ACSL1: variants seen among roughly 807,000 people sequenced by gnomAD.
ACSL1 encodes the protein long-chain-fatty-acid--CoA ligase 1.
Under a neutral mutation model 98.4 loss-of-function variants are expected in ACSL1, and 41 were observed. The observed-to-expected ratio is 0.42, with a 90% confidence interval of 0.32 to 0.54. The LOEUF is 0.54. ACSL1 is among the 20% of genes least tolerant of loss of function. The pLI is 0.13. For missense variants in ACSL1, 734 were observed against 883.1 expected (o/e 0.83, Z 2.14); for synonymous variants, 316 against 322.7 (o/e 0.98, Z 0.22).
In ACSL1 at chr4:184,760,511, G is replaced by C. The variant is rs1762712250; in HGVS notation, c.1639-11C>G. 1.2e-6 allele frequency: 2 copies of C among 1,613,958 alleles called. No individual in the cohort carries two copies. The highest frequency in any genetic ancestry group is 1.7e-5 in the Admixed American group (1 of 60,020). On this transcript the variant is annotated splice_polypyrimidine_tract_variant and intron_variant, in intron 17 of 20. Coordinates refer to ENST00000281455, the MANE Select transcript of ACSL1 (RefSeq NM_001995.5). ...TTTCAAGGTGCCATTCTGTTGATCA[G>C]AGGGGAGGGGGTTATGAATGGGCTG...
chr4:184,770,790 G>A (rs1264315850), intron 10 of ACSL1, among the ~76,000 whole-genome samples: 3 of 152,028 alleles, frequency 2.0e-5, no homozygotes, highest in Non-Finnish European at 4.4e-5. Context: ...GAGGAGAAAC[G>A]GCTTTTGCTT....
At chr4:184,826,126 C>A (rs1773478923), upstream of ACSL1, 2 of 147,132 alleles carry the variant, frequency 1.4e-5, no homozygotes, top group Admixed American at 6.8e-5. Flanking sequence ...GCCCGCAGGC[C>A]CCGCCCCCGG....
intron 1 of ACSL1, among the ~76,000 whole-genome samples, chr4:184,818,780 G>A (rs1433696896): frequency 6.6e-6 from 1 of 152,094 alleles, no homozygotes; most frequent in Non-Finnish European, 1.5e-5. Flanking sequence ...ACAGAGGCTG[G>A]GATGCTCATC....
chr4:184,821,331 C>T (rs1321879397), intron 1 of ACSL1: 3 of 292,562 alleles, frequency 1.0e-5, no homozygotes, highest in East Asian at 1.9e-4. Context: ...CTTATATGGA[C>T]ATTTCTCCCA....
chr4:184,818,779 G>A (rs1390470995), intron 1 of ACSL1, among the ~76,000 whole-genome samples: 1 of 152,116 alleles, frequency 6.6e-6, no homozygotes, highest in East Asian at 1.9e-4. Flanking sequence ...GACAGAGGCT[G>A]GGATGCTCAT....
intron 5 of ACSL1, among the ~76,000 whole-genome samples, chr4:184,779,065 T>C (rs1487554690): frequency 6.6e-6 from 1 of 152,214 alleles, no homozygotes; most frequent in Non-Finnish European, 1.5e-5. Flanking sequence ...CAGCTAGATC[T>C]ACTAATCTAT....
chr4:184,759,563 G>A (rs1378479257), intron 18 of ACSL1, among the ~76,000 whole-genome samples: 3 of 152,102 alleles, frequency 2.0e-5, no homozygotes, highest in African/African-American at 4.8e-5. Flanking sequence ...CATTTATGCA[G>A]CCAAAAGACA....
chr4:184,813,712 G>C, intron 1 of ACSL1: 1 of 389,024 alleles, frequency 2.6e-6, no homozygotes, highest in African/African-American at 2.1e-5. Context: ...TCACCTTACT[G>C]GACTCAGCTA....
In ACSL1 at chr4:184,764,838, C is replaced by A; in HGVS notation, c.1432+15G>T. On this transcript the variant is annotated intron_variant, in intron 15 of 20. Transcript: ENST00000281455. Reference sequence around the variant, plus strand: ...GAATAACAAAATTCCAAAAAGGAGCCTCCTACAGCCATACCTGCGGTCCAG... The same window carrying A: ...GAATAACAAAATTCCAAAAAGGAGCATCCTACAGCCATACCTGCGGTCCAG... 1 of 1,606,264 alleles carries A rather than the reference C, an allele frequency of 6.2e-7. No individual in the cohort carries two copies. The highest frequency in any genetic ancestry group is 8.5e-7 in the Non-Finnish European group (1 of 1,177,546).
intron 7 of ACSL1, among the ~76,000 whole-genome samples, chr4:184,774,690 G>C (rs1291122217): frequency 6.6e-6 from 1 of 152,132 alleles, no homozygotes; most frequent in African/African-American, 2.4e-5. Context: ...CTTGAATGAG[G>C]ATATGGAATG....
At position 184,822,860 on chromosome 4, in the gene ACSL1, A is replaced by G. The variant is rs569321894; in HGVS notation, c.-33+3056T>C. On this transcript the variant is annotated intron_variant, in intron 1 of 20. Transcript: ENST00000281455. ...ACAACCCAAGGCTTGCCACAAACTGAAATTTCTTATGCATTGACATTCAGC... is the reference window on the plus strand; with the variant it reads ...ACAACCCAAGGCTTGCCACAAACTGGAATTTCTTATGCATTGACATTCAGC... 6.7e-4 allele frequency among the ~76,000 whole-genome samples: 102 copies of G among 152,324 alleles called. 2 individuals are homozygous for G. In the South Asian group the frequency reaches 0.02, roughly 30 times the overall value.
chr4:184,801,868 C>A lies in ACSL1; in HGVS notation c.195+1452G>T, dbSNP rs544544948. Among the ~76,000 whole-genome samples, 6 of 152,352 alleles carry A rather than the reference C, an allele frequency of 3.9e-5. No individual in the cohort carries two copies. The South Asian group carries it at 6.2e-4, about 16-fold the overall frequency. On this transcript the variant is annotated intron_variant, in intron 2 of 20. Transcript: ENST00000281455. ...GCTAAGCTAAAGCTTTAAAACCACACGTAAGTGCCCCCACAATTTCTCATA... is the reference window on the plus strand; with the variant it reads ...GCTAAGCTAAAGCTTTAAAACCACAAGTAAGTGCCCCCACAATTTCTCATA...
At chr4:184,801,196 T>C (rs1770452962) in intron 2 of ACSL1, among the ~76,000 whole-genome samples, 1 of 152,156 alleles carries the variant, frequency 6.6e-6, no homozygotes, top group Non-Finnish European at 1.5e-5. Context: ...GAAGGTATAA[T>C]TTACAAAGAA....
chr4:184,759,235 C>G (rs981152953), intron 18 of ACSL1, among the ~76,000 whole-genome samples: 1 of 152,140 alleles, frequency 6.6e-6, no homozygotes, highest in Non-Finnish European at 1.5e-5. Context: ...TTAATAGCAG[C>G]ATGATTTATA....
intron 2 of ACSL1, among the ~76,000 whole-genome samples, chr4:184,796,653 A>G (rs1020712114): frequency 1.3e-5 from 2 of 152,236 alleles, no homozygotes; most frequent in East Asian, 3.9e-4. Flanking sequence ...AAAACATCCC[A>G]GATTTCCATA....
At chr4:184,763,925 C>A (rs1443303266) in intron 15 of ACSL1, among the ~76,000 whole-genome samples, 1 of 152,086 alleles carries the variant, frequency 6.6e-6, no homozygotes, top group East Asian at 1.9e-4. Flanking sequence ...GATCAGTATT[C>A]CAAATTCTCT....
chr4:184,814,719 C>T (rs1361829164), intron 1 of ACSL1, among the ~76,000 whole-genome samples: 2 of 152,142 alleles, frequency 1.3e-5, no homozygotes, highest in African/African-American at 4.8e-5. Context: ...GTATTTCCCA[C>T]CTGCTCCACG....
At chr4:184,811,331 C>A (rs904174937) in intron 1 of ACSL1, among the ~76,000 whole-genome samples, 1 of 151,928 alleles carries the variant, frequency 6.6e-6, no homozygotes, top group African/African-American at 2.4e-5. Flanking sequence ...CCAGGATGGT[C>A]TCGATCTCCC....
Position 184,773,221 on chromosome 4 carries a change from C to T in ACSL1, c.842-67G>A. The T allele has an allele frequency of 6.9e-7, 1 of 1,448,320 alleles. No individual in the cohort carries two copies. The highest frequency in any genetic ancestry group is 9.7e-7 in the Non-Finnish European group (1 of 1,034,942). 89.7% of individuals were successfully genotyped at this position (1,448,320 alleles called of 1,614,324 possible). A position where few individuals can be genotyped will look rare whatever the true frequency, so the allele number is the denominator to read the frequency against. Reference sequence around the variant, plus strand: ...AGAAATGAAGGAGGCCCAGAAACCTCACATAATTAGGGCTTCAGACACCTC... The same window carrying T: ...AGAAATGAAGGAGGCCCAGAAACCTTACATAATTAGGGCTTCAGACACCTC... On this transcript the variant is annotated intron_variant, in intron 9 of 20. Transcript: ENST00000281455. The surrounding 1 kb of genome is among the most constrained non-coding windows in gnomAD (Gnocchi z 4.3).
Sources: allele counts gnomAD v4.1 joint callset (sites outside exome capture counted in the v4.1 genomes callset), GRCh38; gene constraint gnomAD v4.1.1; non-coding constraint Gnocchi (gnomAD v3.1); transcripts MANE v1.5; gene names NCBI Gene and HGNC (gene_info 2026-07-23, HGNC 2026-07-21).